Variants in NBAS observed in about 807,000 individuals in gnomAD.
The protein encoded by NBAS is NAG/BC035112 fusion.
Under a neutral mutation model 302.5 loss-of-function variants are expected in NBAS, and 219 were observed. The observed-to-expected ratio is 0.72, with a 90% CI of 0.65 to 0.81. The LOEUF is 0.81. Among genes scored for constraint, NBAS ranks in the 30% least tolerant of loss-of-function variants. The pLI is 0.00. For missense variants in NBAS, 2,932 were observed against 2,841.6 expected (o/e 1.03, Z -0.72); for synonymous variants, 1,118 against 1,021.6 (o/e 1.09, Z -1.80).
At chr2:15,425,229 T>C (rs1677412148) in intron 22 of NBAS, among the ~76,000 whole-genome samples, 1 of 152,138 alleles carries the variant, frequency 6.6e-6, no homozygotes, top group South Asian at 2.1e-4. Flanking sequence ...CCATTAGGGA[T>C]AGTCATTCAT....
intron 6 of NBAS, among the ~76,000 whole-genome samples, chr2:15,548,399 T>C (rs1664218321): frequency 6.6e-6 from 1 of 152,172 alleles, no homozygotes; most frequent in African/African-American, 2.4e-5. Flanking sequence ...CCCAGCACTT[T>C]GGGAGGCTGA....
intron 12 of NBAS, among the ~76,000 whole-genome samples, chr2:15,484,062 G>A (rs1680530083): frequency 6.6e-6 from 1 of 152,120 alleles, no homozygotes; most frequent in African/African-American, 2.4e-5. Context: ...TTCAAAGCTT[G>A]GGATTTCTCT....
chr2:15,078,165 T>C, the NBAS span, among the ~76,000 whole-genome samples: 1 of 152,168 alleles, frequency 6.6e-6, no homozygotes, highest in East Asian at 1.9e-4. Flanking sequence ...AGTAGATAAT[T>C]TGTGTTCCAT....
chr2:15,390,378 C>T (rs1469019999), intron 28 of NBAS, among the ~76,000 whole-genome samples: 1 of 152,118 alleles, frequency 6.6e-6, no homozygotes, highest in Non-Finnish European at 1.5e-5. Flanking sequence ...TTTTCACTTA[C>T]ATGTAAAATT....
Position 15,327,746 on chromosome 2 carries a change from T to C in NBAS, c.4582+4A>G, listed in dbSNP as rs377042164. 26 of 1,613,462 alleles carry C rather than the reference T, an allele frequency of 1.6e-5. No individual in the cohort carries two copies. The African/African-American group carries it at 3.2e-4, about 20-fold the overall frequency. ...TGTCAAGGGACTAGAACCTTCTCTC[T>C]TACCTTCAGTTGTTGGAAATACTTC... is the stretch of plus-strand genomic sequence containing the variant. On this transcript the variant is annotated splice_donor_region_variant and intron_variant, in intron 38 of 51. Transcript: ENST00000281513.
chr2:15,042,141 T>G, the NBAS span, among the ~76,000 whole-genome samples: 3 of 152,240 alleles, frequency 2.0e-5, no homozygotes, highest in Non-Finnish European at 1.5e-5. Flanking sequence ...TTGGTTTCTT[T>G]TGTAAGAAAG....
Position 15,396,399 on chromosome 2 carries a change from G to T in NBAS, c.3134+14C>A. ...ATAAGCATGGAGAAAAAAAAAAACT[G>T]TCATTTTTCTCACCTGAGAATTTGT... On this transcript the variant is annotated intron_variant, in intron 27 of 51. Transcript: ENST00000281513. 6.3e-7 allele frequency: 1 copy of T among 1,588,684 alleles called. No individual in the cohort carries two copies. The highest frequency in any genetic ancestry group is 8.6e-7 in the Non-Finnish European group (1 of 1,164,878).
chr2:14,814,707 T>A, the NBAS span, among the ~76,000 whole-genome samples: 2 of 152,182 alleles, frequency 1.3e-5, no homozygotes, highest in African/African-American at 4.8e-5. Context: ...AATGTTCGAA[T>A]GAGTTAAGAC....
At chr2:14,994,947 T>C in the NBAS span, among the ~76,000 whole-genome samples, 1 of 152,210 alleles carries the variant, frequency 6.6e-6, no homozygotes, top group Non-Finnish European at 1.5e-5. Flanking sequence ...AGCCCATGGC[T>C]GGACTGTTGT....
At position 15,387,734 on chromosome 2, in the gene NBAS, C is replaced by T. The variant is rs187493554; in HGVS notation, c.3258-4417G>A. Among the ~76,000 whole-genome samples the T allele has an allele frequency of 1.9e-3, 287 of 152,064 alleles. 2 individuals carry two copies. The highest frequency in any genetic ancestry group is 6.4e-3 in the African/African-American group (267 of 41,456). Reference sequence around the variant, plus strand: ...GCAACCTCCACTTCCTGGGCTCAAGCGATTCTCCAGCCTCAGCCTCCCTAG... The same window carrying T: ...GCAACCTCCACTTCCTGGGCTCAAGTGATTCTCCAGCCTCAGCCTCCCTAG... On this transcript the variant is annotated intron_variant, in intron 28 of 51. Coordinates refer to ENST00000281513, the MANE Select transcript of NBAS (RefSeq NM_015909.4).
At chr2:15,053,642 T>C in the NBAS span, among the ~76,000 whole-genome samples, 1 of 151,842 alleles carries the variant, frequency 6.6e-6, no homozygotes, top group Admixed American at 6.6e-5. Flanking sequence ...CTAGTGTCCT[T>C]TCCCCTGCAG....
intron 35 of NBAS, among the ~76,000 whole-genome samples, chr2:15,339,123 T>G (rs1236606892): frequency 1.3e-5 from 2 of 152,140 alleles, no homozygotes; most frequent in Non-Finnish European, 2.9e-5. Context: ...GAAACCTACA[T>G]TCTGGAAAAA....
chr2:14,812,868 G>A, the NBAS span, among the ~76,000 whole-genome samples: 1 of 152,160 alleles, frequency 6.6e-6, no homozygotes, highest in Admixed American at 6.5e-5. Flanking sequence ...GGTCTGGTGG[G>A]AGGTGATTGG....
rs1558361178 is a variant in NBAS, at chr2:15,461,701, T to C, written c.2188A>G (p.Arg730Gly). 1.3e-6 allele frequency: 2 copies of C among 1,590,460 alleles called. No homozygotes were observed. The highest frequency in any genetic ancestry group is 1.7e-6 in the Non-Finnish European group (2 of 1,160,162). ...AAGCAAATTACCTGAGCATAAGTTC[T>C]TGCTGAGAGAACAATATTCTGATTT... ...FRNQNIVLSA[R>G]TYAQESNVQA... Residue 730 changes from arginine to glycine, a missense_variant, in exon 20 of 52, where the codon AGA (arginine) becomes GGA (glycine). Physicochemically the swap from Arg to Gly is moderately radical, Grantham distance 125. Coordinates refer to ENST00000281513, the MANE Select transcript of NBAS (RefSeq NM_015909.4).
chr2:15,495,267 A>C (rs1681022253), intron 11 of NBAS, among the ~76,000 whole-genome samples: 1 of 152,168 alleles, frequency 6.6e-6, no homozygotes, highest in South Asian at 2.1e-4. Flanking sequence ...AACAGATACG[A>C]TCCTCTTGAT....
chr2:15,224,731 C>G lies in NBAS; in HGVS notation c.6237-5763G>C, dbSNP rs1667085849. ...TCGTCCCAGGCTCTCCCACTGCCTA[C>G]CTCCTCTGAAGGCCACTGGAGGAAG... On this transcript the variant is annotated intron_variant, in intron 47 of 51. Coordinates refer to ENST00000281513, the MANE Select transcript of NBAS (RefSeq NM_015909.4). Among the ~76,000 whole-genome samples the G allele has an allele frequency of 3.9e-5, 6 of 152,204 alleles. No individual in the cohort carries two copies. The South Asian group carries it at 8.3e-4, about 21-fold the overall frequency.
the NBAS span, among the ~76,000 whole-genome samples, chr2:14,805,445 T>A: frequency 2.6e-5 from 4 of 152,060 alleles, no homozygotes; most frequent in African/African-American, 9.7e-5. Flanking sequence ...TGCAGGCAAA[T>A]AAGAGCCATG....
chr2:14,933,315 A>G, the NBAS span, among the ~76,000 whole-genome samples: 1 of 152,202 alleles, frequency 6.6e-6, no homozygotes, highest in South Asian at 2.1e-4. Flanking sequence ...ACCCTTTAAT[A>G]TCAACAGTTC....
At position 15,186,085 on chromosome 2, in the gene NBAS, TAC is replaced by T. The variant is rs80317869; in HGVS notation, c.6711+655_6711+656del. On this transcript the variant is annotated intron_variant, in intron 50 of 51. Coordinates refer to ENST00000281513, the MANE Select transcript of NBAS (RefSeq NM_015909.4). The stretch of plus-strand genomic sequence containing the variant: ...TTCTCTCCATACATACATATATATA[TAC>T]ACACACACACACACACACACACATA... Among the ~76,000 whole-genome samples the T allele has an allele frequency of 5.7e-3, 836 of 147,082 alleles. 4 individuals are homozygous for T. The highest frequency in any genetic ancestry group is 7.0e-3 in the Middle Eastern group (2 of 284).
Sources: allele counts gnomAD v4.1 joint callset (sites outside exome capture counted in the v4.1 genomes callset), GRCh38; gene constraint gnomAD v4.1.1; transcripts MANE v1.5; gene names NCBI Gene and HGNC (gene_info 2026-07-23, HGNC 2026-07-21).